Variants in ACTN1 observed in about 807,000 individuals in gnomAD.
The protein encoded by ACTN1 is alpha-actinin-1.
ACTN1 carries 30 observed loss-of-function variants against 119.6 expected under a neutral mutation model. The observed-to-expected ratio is 0.25, with a 90% CI of 0.19 to 0.34. The LOEUF (loss-of-function observed/expected upper bound fraction) is 0.34. Among genes scored for constraint, ACTN1 ranks in the 10% least tolerant of loss-of-function variants. The probability of loss-of-function intolerance (pLI) is 1.00; values close to 1 mark genes in which losing one functional copy is unlikely to be tolerated. For missense variants in ACTN1, 764 were observed against 1,223.4 expected (o/e 0.62, Z 5.60); for synonymous variants, 429 against 472.6 (o/e 0.91, Z 1.20).
chr14:68,884,071 G>A (rs2031794158), intron 14 of ACTN1, 97 bp downstream of exon 14: 2 of 1,278,270 alleles, frequency 1.6e-6, no homozygotes, highest in Non-Finnish European at 1.1e-6. Context: ...TCCTTAGGAT[G>A]CTCTTCCTCA....
chr14:68,884,723 G>T, intron 13 of ACTN1, 52 bp downstream of exon 13: 1 of 1,444,880 alleles, frequency 6.9e-7, no homozygotes, highest in Non-Finnish European at 9.7e-7. Flanking sequence ...GCAGGAAGGG[G>T]CACCACAGGG....
At chr14:68,889,979 G>A (rs1594768023) in intron 11 of ACTN1, among the ~76,000 whole-genome samples, 160 bp downstream of exon 11, 1 of 152,368 alleles carries the variant, frequency 6.6e-6, no homozygotes, top group East Asian at 1.9e-4. Flanking sequence ...TGAGGAAGCT[G>A]AGGCGACCAG....
At chr14:68,884,732 G>A (rs887702273) in intron 13 of ACTN1, 43 bp downstream of exon 13, 1 of 1,518,336 alleles carries the variant, frequency 6.6e-7, no homozygotes, top group African/African-American at 1.4e-5. Context: ...GGCACCACAG[G>A]GCTGCCGGAT....
At chr14:68,978,160 T>C (rs2037134027) in intron 1 of ACTN1, 1 of 455,870 alleles carries the variant, frequency 2.2e-6, no homozygotes, top group Non-Finnish European at 4.4e-6. Context: ...TGGCCCCAAA[T>C]ATCCCCTAAG....
chr14:68,952,875 A>G (rs2036214790), intron 1 of ACTN1, among the ~76,000 whole-genome samples: 1 of 152,162 alleles, frequency 6.6e-6, no homozygotes. Context: ...AGCCCCCAGG[A>G]GGGCCTGACA....
chr14:68,963,290 G>GCC, intron 1 of ACTN1, among the ~76,000 whole-genome samples: 1 of 152,230 alleles, frequency 6.6e-6, no homozygotes, highest in Non-Finnish European at 1.5e-5. Context: ...CAAGGAAATT[G>GCC]CCCGTCCCTG....
At chr14:68,896,601 C>G (rs1031923294) in intron 8 of ACTN1, among the ~76,000 whole-genome samples, 2 of 152,124 alleles carry the variant, frequency 1.3e-5, no homozygotes, top group African/African-American at 2.4e-5. Context: ...CAAAGACAAC[C>G]CTTTAGTCCA....
At chr14:68,905,360 G>C (rs1414603538) in intron 6 of ACTN1, among the ~76,000 whole-genome samples, 4 of 152,274 alleles carry the variant, frequency 2.6e-5, no homozygotes, top group East Asian at 3.9e-4. Flanking sequence ...CATAAACGTA[G>C]GTGGAATGTC....
intron 8 of ACTN1, among the ~76,000 whole-genome samples, chr14:68,899,267 T>A (rs1594781464): frequency 2.8e-5 from 3 of 107,658 alleles, no homozygotes; most frequent in African/African-American, 3.7e-5. Flanking sequence ...CACACCCACA[T>A]GCCACACCTC....
intron 1 of ACTN1, among the ~76,000 whole-genome samples, chr14:68,972,046 C>G (rs546382220): frequency 6.1e-4 from 93 of 152,250 alleles, no homozygotes; most frequent in African/African-American, 2.1e-3. Context: ...TCCCACCCTG[C>G]CAACCCTGGG....
intron 1 of ACTN1, among the ~76,000 whole-genome samples, chr14:68,963,126 C>T (rs1446135433): frequency 2.0e-5 from 3 of 152,222 alleles, no homozygotes; most frequent in Non-Finnish European, 2.9e-5. Flanking sequence ...GACCCTGCCC[C>T]CGCACCCGCT....
intron 3 of ACTN1, among the ~76,000 whole-genome samples, chr14:68,918,960 G>A (rs1420581402): frequency 2.6e-5 from 4 of 152,122 alleles, no homozygotes. Context: ...AACGTGGCTG[G>A]TGATACCCAT....
chr14:68,964,889 A>G (rs1486371403), intron 1 of ACTN1, among the ~76,000 whole-genome samples: 2 of 152,178 alleles, frequency 1.3e-5, no homozygotes, highest in Admixed American at 6.5e-5. Context: ...AGCCAGTCCC[A>G]GGAACATCAG....
intron 3 of ACTN1, among the ~76,000 whole-genome samples, chr14:68,918,952 C>T (rs548787952): frequency 9.8e-5 from 15 of 152,288 alleles, no homozygotes; most frequent in Admixed American, 4.6e-4. Context: ...AACTGTAAAA[C>T]GTGGCTGGTG....
chr14:68,915,345 T>C (rs910664281), intron 3 of ACTN1, among the ~76,000 whole-genome samples: 2 of 150,488 alleles, frequency 1.3e-5, no homozygotes, highest in Admixed American at 1.3e-4. Flanking sequence ...CCACGTGGCC[T>C]GTCCCTGCCT....
intron 1 of ACTN1, among the ~76,000 whole-genome samples, chr14:68,943,855 G>A (rs1026193318): frequency 1.3e-5 from 2 of 152,208 alleles, no homozygotes; most frequent in African/African-American, 4.8e-5. Context: ...TGTGAACTAG[G>A]TCGGTCAAAG....
chr14:68,928,742 A>G (rs911302020), intron 1 of ACTN1, among the ~76,000 whole-genome samples: 1 of 152,110 alleles, frequency 6.6e-6, no homozygotes, highest in African/African-American at 2.4e-5. Flanking sequence ...CTCCCCCAAA[A>G]TGATCCCGGG....
chr14:68,883,297 C>CAG (rs760869820), intron 14 of ACTN1: 2 of 501,686 alleles, frequency 4.0e-6, no homozygotes, highest in Non-Finnish European at 3.6e-6. Flanking sequence ...GGTGTGTTCA[C>CAG]CACCTCACAG....
In ACTN1 at chr14:68,970,275, G is replaced by A. The variant is rs563205901; in HGVS notation, c.105+8677C>T. 7.2e-5 allele frequency among the ~76,000 whole-genome samples: 11 copies of A among 152,224 alleles called. 1 individual carries two copies. The South Asian group carries it at 2.3e-3, about 32-fold the overall frequency. On this transcript the variant is annotated intron_variant, in intron 1 of 21. Transcript: ENST00000394419. ...TGGAAGGTTCAAAGCTGGGGGTCAG[G>A]AAATGGCACTGCCCCCCACTTGGTG... is the stretch of plus-strand genomic sequence containing the variant.
Sources: allele counts gnomAD v4.1 joint callset (sites outside exome capture counted in the v4.1 genomes callset), GRCh38; gene constraint gnomAD v4.1.1; transcripts MANE v1.5; gene names NCBI Gene and HGNC (gene_info 2026-07-23, HGNC 2026-07-21).